The following PAX5 variants were observed in gnomAD, a reference collection of about 807,000 sequenced individuals.
PAX5 encodes the protein paired box protein Pax-5.
PAX5 carries 9 observed loss-of-function variants against 43.7 expected under a neutral mutation model. That is an observed-to-expected ratio of 0.21 (90% confidence interval 0.12 to 0.36). The LOEUF is 0.36. PAX5 is among the 10% of genes least tolerant of loss of function. The pLI is 1.00. For missense variants in PAX5, 383 were observed against 532.7 expected, an observed-to-expected ratio of 0.72 and a Z score of 2.77; for synonymous variants, 228 against 214.3, an observed-to-expected ratio of 1.06 and a Z score of -0.56.
chr9:36,986,083 C>G (rs1337029924), intron 5 of PAX5, among the ~76,000 whole-genome samples: 1 of 152,022 alleles, frequency 6.6e-6, no homozygotes, highest in African/African-American at 2.4e-5. Flanking sequence ...CCGGCACCCC[C>G]GTCCGGCGCC....
At chr9:36,933,618 A>T (rs1831309287) in intron 6 of PAX5, among the ~76,000 whole-genome samples, 2 of 152,196 alleles carry the variant, frequency 1.3e-5, no homozygotes, top group African/African-American at 4.8e-5. Flanking sequence ...GGTACAGCTC[A>T]GACACTCCTC....
chr9:37,019,297 A>G (rs1839660472), intron 2 of PAX5, among the ~76,000 whole-genome samples: 1 of 152,054 alleles, frequency 6.6e-6, no homozygotes, highest in African/African-American at 2.4e-5. Flanking sequence ...ACAACCACCT[A>G]ACAAGAAAAC....
intron 5 of PAX5, among the ~76,000 whole-genome samples, chr9:36,972,377 C>A (rs1440105859): frequency 1.3e-5 from 2 of 152,228 alleles, no homozygotes; most frequent in Non-Finnish European, 2.9e-5. Context: ...AAGTTCCTCT[C>A]CCTCTCTGAG....
chr9:36,921,673 A>G (rs1202442742), intron 7 of PAX5, among the ~76,000 whole-genome samples: 1 of 152,224 alleles, frequency 6.6e-6, no homozygotes, highest in Non-Finnish European at 1.5e-5. Flanking sequence ...GTGAAGTGCC[A>G]GTTTCTATTA....
chr9:36,940,063 G>C (rs989036931), intron 6 of PAX5, among the ~76,000 whole-genome samples: 1 of 152,210 alleles, frequency 6.6e-6, no homozygotes, highest in Non-Finnish European at 1.5e-5. Context: ...ATTGCCCGGC[G>C]CTGCCTTCCT....
chr9:36,913,127 AC>A, intron 7 of PAX5, among the ~76,000 whole-genome samples: 1 of 152,240 alleles, frequency 6.6e-6, no homozygotes, highest in Non-Finnish European at 1.5e-5. Flanking sequence ...CCTGAGGGAT[AC>A]TGCAAATCAG....
At chr9:36,860,458 T>A (rs1173684502) in intron 8 of PAX5, among the ~76,000 whole-genome samples, 3 of 152,022 alleles carry the variant, frequency 2.0e-5, no homozygotes, top group Non-Finnish European at 4.4e-5. Flanking sequence ...TGTCGAAACT[T>A]CCAAGGTGAC....
At chr9:36,870,937 G>A (rs745695373) in intron 8 of PAX5, among the ~76,000 whole-genome samples, 1 of 152,244 alleles carries the variant, frequency 6.6e-6, no homozygotes, top group African/African-American at 2.4e-5. Context: ...GGTGCCCTCA[G>A]GGCAGGGGCT....
intron 7 of PAX5, among the ~76,000 whole-genome samples, chr9:36,898,893 C>T (rs1828120403): frequency 6.6e-6 from 1 of 152,082 alleles, no homozygotes; most frequent in African/African-American, 2.4e-5. Context: ...CATCCACAGC[C>T]AACTCCAGCC....
At chr9:36,971,176 A>G (rs1834902050) in intron 5 of PAX5, among the ~76,000 whole-genome samples, 1 of 152,224 alleles carries the variant, frequency 6.6e-6, no homozygotes, top group Non-Finnish European at 1.5e-5. Context: ...GGTGGCAAAC[A>G]GTAACTGAAA....
At chr9:36,981,221 C>T (rs956740417) in intron 5 of PAX5, among the ~76,000 whole-genome samples, 5 of 142,014 alleles carry the variant, frequency 3.5e-5, no homozygotes, top group African/African-American at 1.3e-4. Context: ...TTCCCTGTCT[C>T]CTCACCTAGC....
intron 3 of PAX5, among the ~76,000 whole-genome samples, chr9:37,006,752 T>G (rs1286805985): frequency 6.6e-6 from 1 of 152,242 alleles, no homozygotes; most frequent in Non-Finnish European, 1.5e-5. Flanking sequence ...TCTGTTTCCC[T>G]GTGTAATTTG....
intron 1 of PAX5, among the ~76,000 whole-genome samples, chr9:37,032,040 G>A (rs976552947): frequency 2.6e-5 from 4 of 152,118 alleles, no homozygotes; most frequent in Non-Finnish European, 5.9e-5. Flanking sequence ...TGGAAGTGCA[G>A]TCTCACTTGA....
intron 6 of PAX5, among the ~76,000 whole-genome samples, chr9:36,951,904 C>T (rs1169383214): frequency 6.6e-6 from 1 of 152,124 alleles, no homozygotes; most frequent in African/African-American, 2.4e-5. Flanking sequence ...CATCCTTGAC[C>T]TAACACAGCC....
intron 1 of PAX5, among the ~76,000 whole-genome samples, chr9:37,025,336 G>A: frequency 6.6e-6 from 1 of 152,074 alleles, no homozygotes; most frequent in Non-Finnish European, 1.5e-5. Context: ...GCCCCGGGAA[G>A]CTCACCTTCA....
intron 3 of PAX5, chr9:37,007,772 G>A (rs7870336): frequency 1.3e-5 from 2 of 152,040 alleles, no homozygotes; most frequent in Non-Finnish European, 2.9e-5. Context: ...ATCTAAAAAC[G>A]GTATTTTGGT....
Position 37,028,075 on chromosome 9 carries a change from A to G in PAX5, c.46+5911T>C, listed in dbSNP as rs374229094. On this transcript the variant is annotated intron_variant, in intron 1 of 9. Transcript: ENST00000358127. ...TGGGACGCTCTCAAGGCTTGAGAGCAGTCGATTGAAGGGTGAGAATGGGGG... is the reference window on the plus strand; with the variant it reads ...TGGGACGCTCTCAAGGCTTGAGAGCGGTCGATTGAAGGGTGAGAATGGGGG... Among the ~76,000 whole-genome samples, 6 of 152,340 alleles carry G rather than the reference A, an allele frequency of 3.9e-5. No individual in the cohort carries two copies. In the South Asian group the frequency reaches 1.2e-3, roughly 32 times the overall value.
rs528180489 is a variant in PAX5 at position 36,850,323 on chromosome 9, C to T, written c.1013-3394G>A. Among the ~76,000 whole-genome samples, 17 of 152,342 alleles carry T rather than the reference C, an allele frequency of 1.1e-4. No individual in the cohort carries two copies. In the East Asian group the frequency reaches 3.1e-3, roughly 28 times the overall value. ...GACAGCTTGCAGTCAGGGGGCCCCTCCAGGTGGCTGTGGCCACAGTCTAAG... is the reference window on the plus strand; with the variant it reads ...GACAGCTTGCAGTCAGGGGGCCCCTTCAGGTGGCTGTGGCCACAGTCTAAG... On this transcript the variant is annotated intron_variant, in intron 8 of 9. Transcript: ENST00000358127.
chr9:36,931,731 C>G (rs1378976030), intron 6 of PAX5, among the ~76,000 whole-genome samples: 1 of 151,848 alleles, frequency 6.6e-6, no homozygotes, highest in Non-Finnish European at 1.5e-5. Context: ...TGACTGCAGT[C>G]CCAGCTACTC....
Sources: allele counts gnomAD v4.1 joint callset (sites outside exome capture counted in the v4.1 genomes callset), GRCh38; gene constraint gnomAD v4.1.1; transcripts MANE v1.5; gene names NCBI Gene and HGNC (gene_info 2026-07-23, HGNC 2026-07-21).